C9orf152: variants seen among roughly 807,000 people sequenced by gnomAD.
C9orf152 encodes the protein uncharacterized protein C9orf152.
In C9orf152, 8 loss-of-function variants were observed where a neutral mutation model predicts 8.5. That is an observed-to-expected ratio of 0.94 (90% CI 0.55 to 1.70). The LOEUF is 1.70. Among genes scored for constraint, C9orf152 ranks in the 40% most tolerant of loss-of-function variants. The probability of loss-of-function intolerance (pLI) is 0.00; values close to 1 mark genes in which losing one functional copy is unlikely to be tolerated. For missense variants in C9orf152, 293 were observed against 286.2 expected (o/e 1.02, Z -0.17); for synonymous variants, 109 against 113.0 (o/e 0.96, Z 0.22).
At chr9:110,201,522 C>T (rs372684740) in intron 1 of C9orf152, 48 bp from the exon 2 acceptor site, 14 of 1,468,866 alleles carry the variant, frequency 9.5e-6, no homozygotes, top group Middle Eastern at 1.8e-4. Context: ...GGGACAGGGG[C>T]GGCTCTCACT....
In C9orf152 at chr9:110,207,666, G is replaced by T. The variant is rs1455962758; in HGVS notation, c.-87C>A. The T allele has an allele frequency of 4.0e-6, 4 of 1,006,306 alleles. No individual in the cohort carries two copies. In the East Asian group the frequency reaches 8.7e-5, roughly 22 times the overall value. The allele number at this position is 1,006,306 out of a possible 1,614,324, so 62.3% of individuals were successfully genotyped here. A position where few individuals can be genotyped will look rare whatever the true frequency, so the allele number is the denominator to read the frequency against. Reference sequence around the variant, plus strand: ...GGGAGGGGGCAGTGAGGGAGAAGGAGAAGTGACGGGCAAAAGGAGGGTGGA... The same window carrying T: ...GGGAGGGGGCAGTGAGGGAGAAGGATAAGTGACGGGCAAAAGGAGGGTGGA... On this transcript the variant is annotated 5_prime_UTR_variant, in exon 1 of 2. Coordinates refer to ENST00000400613, the MANE Select transcript of C9orf152 (RefSeq NM_001012993.3).
At chr9:110,205,620 A>G (rs1837265735) in intron 1 of C9orf152, among the ~76,000 whole-genome samples, 2 of 152,222 alleles carry the variant, frequency 1.3e-5, no homozygotes, top group South Asian at 4.1e-4. Flanking sequence ...ACAGGTGAGG[A>G]AACTGAGCCC....
chr9:110,201,446 C>G lies in C9orf152; in HGVS notation c.222G>C (p.Ser74=). The change falls in exon 2 of 2, where the codon TCG becomes TCC. Residue 74 remains serine, a synonymous_variant. Transcript: ENST00000400613. ...KGGNTPAPAE[S]MVNAVWINKE... ...TGTTAATCCAAACAGCATTGACCAT[C>G]GATTCTGCAGGAGCAGGTGTGTTTC... 4.0e-6 allele frequency: 6 copies of G among 1,517,186 alleles called. No individual in the cohort carries two copies. The South Asian group carries it at 8.0e-5, about 20-fold the overall frequency. 94.0% of individuals were successfully genotyped at this position (1,517,186 alleles called of 1,614,324 possible). A position where few individuals can be genotyped will look rare whatever the true frequency, so the allele number is the denominator to read the frequency against.
Position 110,207,384 on chromosome 9 carries a change from T to C in C9orf152, c.193+3A>G. 6.2e-7 allele frequency: 1 copy of C among 1,611,878 alleles called. No individual in the cohort carries two copies. The highest frequency in any genetic ancestry group is 8.5e-7 in the Non-Finnish European group (1 of 1,179,060). ...TCCTTCCCCAGCACCTGTCCATTCC[T>C]ACCTTTTGGAAGCACCAGGAGGTGG... is the stretch of plus-strand genomic sequence containing the variant. On this transcript the variant is annotated splice_donor_region_variant and intron_variant, in intron 1 of 1. Coordinates refer to ENST00000400613, the MANE Select transcript of C9orf152 (RefSeq NM_001012993.3).
At chr9:110,203,684 ATC>A (rs1448366494) in intron 1 of C9orf152, among the ~76,000 whole-genome samples, 3 of 152,068 alleles carry the variant, frequency 2.0e-5, no homozygotes, top group Non-Finnish European at 2.9e-5. Flanking sequence ...CATGTTTTTT[ATC>A]TGTTTTGTTT....
At chr9:110,205,832 T>C (rs1284054205) in intron 1 of C9orf152, among the ~76,000 whole-genome samples, 1 of 151,986 alleles carries the variant, frequency 6.6e-6, no homozygotes. Context: ...GGTGGGTGGA[T>C]CACCTGAGGT....
chr9:110,203,146 C>T (rs1366150130), intron 1 of C9orf152, among the ~76,000 whole-genome samples: 4 of 151,602 alleles, frequency 2.6e-5, no homozygotes, highest in Admixed American at 6.6e-5. Flanking sequence ...CTCAGCCTCC[C>T]GAGTAGCTGG....
chr9:110,203,794 T>C (rs1837246091), intron 1 of C9orf152, among the ~76,000 whole-genome samples: 2 of 152,234 alleles, frequency 1.3e-5, no homozygotes, highest in African/African-American at 2.4e-5. Context: ...AAGATACAAG[T>C]TGGAGAAGGG....
At chr9:110,201,947 G>GT (rs1163935119) in intron 1 of C9orf152, among the ~76,000 whole-genome samples, 1 of 152,084 alleles carries the variant, frequency 6.6e-6, no homozygotes, top group Middle Eastern at 3.2e-3. Context: ...GGGAACTAGC[G>GT]TTTGGGGCTA....
intron 1 of C9orf152, among the ~76,000 whole-genome samples, chr9:110,207,089 C>T (rs983521206): frequency 6.6e-6 from 1 of 152,222 alleles, no homozygotes; most frequent in Non-Finnish European, 1.5e-5. Context: ...AGCAGAGCTC[C>T]TATCGCCATA....
rs1837210040 is a variant in C9orf152, at chr9:110,201,005, C to T, written c.663G>A (p.Arg221=). ...CAGCTTGGGAGATCCTGGGTGTTTT[C>T]CTCTGGGGAAATGGATAGTAAGCTG... ...GKPAYYPFPQ[R]KTPRISQAAR... Residue 221 remains arginine, a synonymous_variant, in exon 2 of 2, where the codon AGG becomes AGA. Transcript: ENST00000400613. The T allele has an allele frequency of 6.2e-7, 1 of 1,614,018 alleles. No individual in the cohort carries two copies. Among genetic ancestry groups the T allele is most frequent in the African/African-American group, 1.3e-5 (1 of 74,930 alleles).
At position 110,200,407 on chromosome 9, in the gene C9orf152, G is replaced by A. The variant is rs1837200846; in HGVS notation, c.*541C>T. The A allele has an allele frequency of 3.3e-5, 5 of 152,676 alleles. No individual in the cohort carries two copies. The highest frequency in any genetic ancestry group is 3.3e-4 in the Admixed American group (5 of 15,294). 9.5% of individuals were successfully genotyped at this position (152,676 alleles called of 1,614,324 possible). A position where few individuals can be genotyped will look rare whatever the true frequency, so the allele number is the denominator to read the frequency against. ...TACTTTGGGAAGCCCAAATTGAAAT[G>A]ATGTGATCACTGCCAATGAGTGTTG... is the stretch of plus-strand genomic sequence containing the variant. On this transcript the variant is annotated 3_prime_UTR_variant, in exon 2 of 2. Coordinates refer to ENST00000400613, the MANE Select transcript of C9orf152 (RefSeq NM_001012993.3).
chr9:110,207,317 C>T, intron 1 of C9orf152, 70 bp downstream of exon 1: 1 of 1,534,268 alleles, frequency 6.5e-7, no homozygotes, highest in Non-Finnish European at 8.9e-7. Flanking sequence ...CTGGCTCTGC[C>T]TCCCTGCAGC....
chr9:110,206,660 C>G (rs1186788611), intron 1 of C9orf152, among the ~76,000 whole-genome samples: 2 of 152,216 alleles, frequency 1.3e-5, no homozygotes, highest in Non-Finnish European at 2.9e-5. Context: ...TCTGGCCTGG[C>G]AAAGGGCAGC....
At position 110,200,684 on chromosome 9, in the gene C9orf152, C is replaced by T. The variant is rs1179201189; in HGVS notation, c.*264G>A. On this transcript the variant is annotated 3_prime_UTR_variant, in exon 2 of 2. Coordinates refer to ENST00000400613, the MANE Select transcript of C9orf152 (RefSeq NM_001012993.3). The stretch of plus-strand genomic sequence containing the variant: ...CTCCCCAAGGAATGGATATCCAGGA[C>T]CTCATAGTAATGTCAGAATGGGGCT... The T allele has an allele frequency of 1.1e-5, 4 of 366,426 alleles. No individual in the cohort carries two copies. The highest frequency in any genetic ancestry group is 7.4e-5 in the South Asian group (1 of 13,444). The allele number at this position is 366,426 out of a possible 1,614,324, so 22.7% of individuals were successfully genotyped here.
In C9orf152 at chr9:110,200,782, G is replaced by A. The variant is rs938153548; in HGVS notation, c.*166C>T. ...CTGGGAAGTCTCTTCTTATTGGAAG[G>A]GTAAAACCATGTTACCATTGTGAAG... On this transcript the variant is annotated 3_prime_UTR_variant, in exon 2 of 2. Coordinates refer to ENST00000400613, the MANE Select transcript of C9orf152 (RefSeq NM_001012993.3). The A allele has an allele frequency of 2.8e-6, 2 of 718,132 alleles. No individual in the cohort carries two copies. The highest frequency in any genetic ancestry group is 4.5e-6 in the Non-Finnish European group (2 of 443,108). The allele number at this position is 718,132 out of a possible 1,614,324, so 44.5% of individuals were successfully genotyped here.
intron 1 of C9orf152, among the ~76,000 whole-genome samples, chr9:110,202,787 ATG>A (rs1837237911): frequency 1.3e-5 from 2 of 152,170 alleles, no homozygotes; most frequent in Middle Eastern, 3.4e-3. Flanking sequence ...GGAGGTGACA[ATG>A]TGCAGAGCAA....
At chr9:110,202,142 G>A (rs1294961472) in intron 1 of C9orf152, among the ~76,000 whole-genome samples, 4 of 152,128 alleles carry the variant, frequency 2.6e-5, no homozygotes, top group African/African-American at 7.2e-5. Flanking sequence ...GTACAGTGGT[G>A]CAATCTTGGC....
intron 1 of C9orf152, among the ~76,000 whole-genome samples, chr9:110,205,144 T>C (rs1397431999): frequency 6.6e-6 from 1 of 152,168 alleles, no homozygotes; most frequent in Non-Finnish European, 1.5e-5. Flanking sequence ...CTACCATCTA[T>C]AGATGAATAA....
Sources: gnomAD v4.1 joint callset for allele counts (sites outside exome capture counted in the v4.1 genomes callset) on GRCh38, gnomAD v4.1.1 for gene constraint, MANE v1.5 for transcripts, NCBI Gene and HGNC (gene_info 2026-07-23, HGNC 2026-07-21) for gene names.